Variants in SAXO1 observed in about 807,000 individuals in gnomAD.
SAXO1 encodes the protein 4930500O09Rik.
Under a neutral mutation model 17.5 loss-of-function variants are expected in SAXO1, and 21 were observed. That is an observed-to-expected ratio of 1.20 (90% CI 0.85 to 1.72). The LOEUF is 1.72. SAXO1 is among the 40% of genes most tolerant of loss of function. The probability of loss-of-function intolerance (pLI) is 0.00; values close to 1 mark genes in which losing one functional copy is unlikely to be tolerated. For missense variants in SAXO1, 843 were observed against 596.0 expected (o/e 1.41, Z -4.32); for synonymous variants, 274 against 216.5 (o/e 1.27, Z -2.33).
At position 19,029,580 on chromosome 9, in the gene SAXO1, G is replaced by A. The variant is rs117979373; in HGVS notation, c.38+3291C>T. Among the ~76,000 whole-genome samples, 66 of 152,216 alleles carry A rather than the reference G, an allele frequency of 4.3e-4. 1 individual carries two copies. The East Asian group carries it at 0.011, about 26-fold the overall frequency. On this transcript the variant is annotated intron_variant, in intron 1 of 3. Coordinates refer to ENST00000380534, the MANE Select transcript of SAXO1 (RefSeq NM_153707.4). The stretch of plus-strand genomic sequence containing the variant: ...CACTGAGCAGATTTAATTGGGGTGG[G>A]AGGGATTTAATTGGGGTGGGAGAGA...
rs60829489 is a variant in SAXO1 at position 18,960,017 on chromosome 9, C to T, written c.39-9080G>A. Reference sequence around the variant, plus strand: ...AGGCAGGCATCAGGCTGAGTGGGCACGAGGGATGCCAGCAAGAGCCAGAGC... The same window carrying T: ...AGGCAGGCATCAGGCTGAGTGGGCATGAGGGATGCCAGCAAGAGCCAGAGC... On this transcript the variant is annotated intron_variant, in intron 1 of 3. Transcript: ENST00000380534. Among the ~76,000 whole-genome samples the T allele has an allele frequency of 3.3e-3, 498 of 152,136 alleles. 4 individuals carry two copies. The highest frequency in any genetic ancestry group is 0.011 in the African/African-American group (468 of 41,510).
intron 1 of SAXO1, among the ~76,000 whole-genome samples, chr9:18,999,871 G>A (rs1333903393): frequency 5.9e-4 from 85 of 143,696 alleles, no homozygotes; most frequent in South Asian, 5.4e-3. Flanking sequence ...TGGGAAGTGA[G>A]GAGTGCCTCT....
intron 1 of SAXO1, among the ~76,000 whole-genome samples, chr9:19,006,482 T>G (rs1354394631): frequency 6.6e-6 from 1 of 152,208 alleles, no homozygotes; most frequent in Non-Finnish European, 1.5e-5. Flanking sequence ...GAGTGAACCT[T>G]AGAGACAAAT....
intron 1 of SAXO1, among the ~76,000 whole-genome samples, chr9:19,007,743 A>G (rs1834542758): frequency 6.6e-6 from 1 of 152,266 alleles, no homozygotes; most frequent in African/African-American, 2.4e-5. Flanking sequence ...TTATGAGCTA[A>G]GAATAATTTT....
chr9:18,950,683 T>C, intron 2 of SAXO1, 75 bp downstream of exon 2: 2 of 1,319,220 alleles, frequency 1.5e-6, no homozygotes, highest in South Asian at 1.4e-5. Flanking sequence ...ATTACATTAA[T>C]ATTATACATT....
At chr9:19,017,197 A>T (rs1163550801) in intron 1 of SAXO1, among the ~76,000 whole-genome samples, 1 of 152,170 alleles carries the variant, frequency 6.6e-6, no homozygotes, top group Non-Finnish European at 1.5e-5. Flanking sequence ...AAGAAAAAAA[A>T]AGATCAATTG....
chr9:18,980,756 A>T (rs1833350612), intron 1 of SAXO1, among the ~76,000 whole-genome samples: 2 of 137,082 alleles, frequency 1.5e-5, no homozygotes, highest in African/African-American at 2.7e-5. Flanking sequence ...GCTTTGTGGG[A>T]GGAGAAGCAT....
Position 18,935,623 on chromosome 9 carries a change from G to A in SAXO1, c.421+6014C>T, listed in dbSNP as rs949327792. ...TCTTGCCCATATGCACAGCCTTCCC[G>A]ACCACCAGGAATACATATGAGCTTA... On this transcript the variant is annotated intron_variant, in intron 3 of 3. Coordinates refer to ENST00000380534, the MANE Select transcript of SAXO1 (RefSeq NM_153707.4). Among the ~76,000 whole-genome samples the A allele has an allele frequency of 9.2e-5, 14 of 152,018 alleles. 1 individual carries two copies. The highest frequency in any genetic ancestry group is 4.2e-4 in the South Asian group (2 of 4,782).
chr9:19,020,097 G>A (rs1161683778), intron 1 of SAXO1, among the ~76,000 whole-genome samples: 1 of 151,268 alleles, frequency 6.6e-6, no homozygotes, highest in Non-Finnish European at 1.5e-5. Context: ...TCCAATGACT[G>A]GACACTCTAC....
intron 1 of SAXO1, among the ~76,000 whole-genome samples, chr9:19,048,329 T>C (rs1588583363): frequency 6.6e-6 from 1 of 152,100 alleles, no homozygotes; most frequent in Non-Finnish European, 1.5e-5. Flanking sequence ...TGGTGGCAGG[T>C]GCCCACAATC....
In SAXO1 at chr9:19,012,051, G is replaced by A. The variant is rs1260244120; in HGVS notation, c.38+20820C>T. 4.0e-5 allele frequency among the ~76,000 whole-genome samples: 6 copies of A among 151,780 alleles called. No homozygotes were observed. The South Asian group carries it at 6.3e-4, about 16-fold the overall frequency. ...AGTAGAGACGGGGTTTCACCATGTT[G>A]GCCAGGATGGTCTCGATCTCTTGAC... is the stretch of plus-strand genomic sequence containing the variant. On this transcript the variant is annotated intron_variant, in intron 1 of 3. Coordinates refer to ENST00000380534, the MANE Select transcript of SAXO1 (RefSeq NM_153707.4).
At chr9:18,968,712 G>C (rs973111481) in intron 1 of SAXO1, among the ~76,000 whole-genome samples, 5 of 151,808 alleles carry the variant, frequency 3.3e-5, no homozygotes, top group Non-Finnish European at 7.4e-5. Context: ...TCCTGCCTCA[G>C]CCTCTGGAGT....
At chr9:18,978,824 C>A (rs1463519946) in intron 1 of SAXO1, among the ~76,000 whole-genome samples, 2 of 152,198 alleles carry the variant, frequency 1.3e-5, no homozygotes, top group Admixed American at 6.5e-5. Context: ...AAGATCCAAC[C>A]CCATGTTGAG....
At position 19,026,974 on chromosome 9, in the gene SAXO1, G is replaced by A. The variant is rs928018765; in HGVS notation, c.38+5897C>T. 44 of 907,922 alleles carry A rather than the reference G, an allele frequency of 4.8e-5. No homozygotes were observed. In the East Asian group the frequency reaches 5.4e-4, roughly 11 times the overall value. The allele number at this position is 907,922 out of a possible 1,614,324, so 56.2% of individuals were successfully genotyped here. A position where few individuals can be genotyped will look rare whatever the true frequency, so the allele number is the denominator to read the frequency against. On this transcript the variant is annotated intron_variant, in intron 1 of 3. Transcript: ENST00000380534. ...ATGTCCACGGAGGAGATCATCCAGC[G>A]CACATGGCTTCTGGACAGTGAGATC...
At chr9:18,997,155 G>A (rs987012908) in intron 1 of SAXO1, among the ~76,000 whole-genome samples, 2 of 152,228 alleles carry the variant, frequency 1.3e-5, no homozygotes, top group East Asian at 3.8e-4. Context: ...CCTCACCCAG[G>A]AAGAACAAGG....
At chr9:19,002,535 C>G (rs1409544820) in intron 1 of SAXO1, among the ~76,000 whole-genome samples, 1 of 152,178 alleles carries the variant, frequency 6.6e-6, no homozygotes, top group Admixed American at 6.5e-5. Context: ...ACATCAAATG[C>G]TTATCCACCA....
intron 1 of SAXO1, among the ~76,000 whole-genome samples, chr9:18,966,267 T>G (rs546531731): frequency 6.6e-6 from 1 of 152,228 alleles, no homozygotes; most frequent in African/African-American, 2.4e-5. Flanking sequence ...CTGTATTTCC[T>G]GAATTTGAAT....
chr9:19,046,705 A>G (rs1480751203), intron 1 of SAXO1, among the ~76,000 whole-genome samples: 4 of 59,968 alleles, frequency 6.7e-5, no homozygotes, highest in Non-Finnish European at 1.3e-4. Flanking sequence ...TTCGTCTCAG[A>G]AAAAAAAAAA....
At chr9:18,943,127 G>T (rs182999964) in intron 2 of SAXO1, among the ~76,000 whole-genome samples, 1 of 152,298 alleles carries the variant, frequency 6.6e-6, no homozygotes, top group Non-Finnish European at 1.5e-5. Flanking sequence ...CAGTAAACCC[G>T]AACCGGGTCC....
Sources: gnomAD v4.1 joint callset for allele counts (sites outside exome capture counted in the v4.1 genomes callset) on GRCh38, gnomAD v4.1.1 for gene constraint, MANE v1.5 for transcripts, NCBI Gene and HGNC (gene_info 2026-07-23, HGNC 2026-07-21) for gene names.